SMIM36: variants seen among roughly 807,000 people sequenced by gnomAD.
The protein encoded by SMIM36 is small integral membrane protein 36.
chr17:55,453,275 C>T (rs937944808), intron 4 of SMIM36, among the ~76,000 whole-genome samples: 1 of 151,168 alleles, frequency 6.6e-6, no homozygotes, highest in East Asian at 1.9e-4. Context: ...TATGATCAAG[C>T]CGCTGTACCC....
rs1567871179 is a variant in SMIM36 at position 55,501,396 on chromosome 17, ATATATTATT to A, written c.*174+9474_*174+9482del. Among the ~76,000 whole-genome samples, 40 of 16,152 alleles carry A rather than the reference ATATATTATT, an allele frequency of 2.5e-3. 4 individuals carry two copies. The highest frequency in any genetic ancestry group is 8.2e-3 in the African/African-American group (39 of 4,736). The allele number at this position is 16,152 out of a possible 152,430, so 10.6% of individuals were successfully genotyped here. Reference sequence around the variant, plus strand: ...TATATATTATAGAATATAATATATTATATATTATTATATATTATAAAATATAATATATTA... The same window carrying A: ...TATATATTATAGAATATAATATATTAATATATTATAAAATATAATATATTA... On this transcript the variant is annotated intron_variant, in intron 1 of 4. Transcript: ENST00000636752.
rs55879501 is a variant in SMIM36, at chr17:55,508,431, A to AATATATATATAT, written c.*174+2436_*174+2447dup. ...CATATTTTATATATATATTCCTAGG[A>AATATATATATAT]ATATATATATATATATATATATATA... On this transcript the variant is annotated intron_variant, in intron 1 of 4. Transcript: ENST00000636752. Among the ~76,000 whole-genome samples the AATATATATATAT allele has an allele frequency of 4.2e-3, 477 of 114,182 alleles. 22 individuals are homozygous for AATATATATATAT. The highest frequency in any genetic ancestry group is 0.012 in the African/African-American group (335 of 28,276). The allele number at this position is 114,182 out of a possible 152,430, so 74.9% of individuals were successfully genotyped here. A position where few individuals can be genotyped will look rare whatever the true frequency, so the allele number is the denominator to read the frequency against.
intron 1 of SMIM36, among the ~76,000 whole-genome samples, chr17:55,505,772 G>C (rs887240932): frequency 8.4e-6 from 1 of 119,498 alleles, no homozygotes; most frequent in African/African-American, 4.1e-5. Flanking sequence ...ATTAGGAAAA[G>C]AGCAAGTCAA....
At chr17:55,520,452 G>A in the SMIM36 span, among the ~76,000 whole-genome samples, 6 of 152,080 alleles carry the variant, frequency 3.9e-5, no homozygotes, top group African/African-American at 9.7e-5. Flanking sequence ...TGGCATATCC[G>A]AATTGCTGGC....
At position 55,472,648 on chromosome 17, in the gene SMIM36, G is replaced by A. The variant is rs139740075; in HGVS notation, c.*348-5320C>T. Among the ~76,000 whole-genome samples the A allele has an allele frequency of 3.7e-3, 560 of 152,246 alleles. 2 individuals are homozygous for A. Among genetic ancestry groups the A allele is most frequent in the African/African-American group, 0.012 (515 of 41,554 alleles). Reference sequence around the variant, plus strand: ...AGCACTTTGGGAGGCTGAGGCGGGCGGATCACAAGCCCAGGAGTTCGAGAC... The same window carrying A: ...AGCACTTTGGGAGGCTGAGGCGGGCAGATCACAAGCCCAGGAGTTCGAGAC... On this transcript the variant is annotated intron_variant, in intron 3 of 4. Transcript: ENST00000636752.
upstream of SMIM36, among the ~76,000 whole-genome samples, chr17:55,512,757 C>T (rs978205264): frequency 9.9e-5 from 15 of 152,214 alleles, no homozygotes; most frequent in Non-Finnish European, 2.1e-4. Context: ...GTCTTGGTCT[C>T]ATATATGTAT....
At chr17:55,521,543 T>A in the SMIM36 span, among the ~76,000 whole-genome samples, 11 of 152,248 alleles carry the variant, frequency 7.2e-5, no homozygotes, top group Non-Finnish European at 1.3e-4. Context: ...GTGATTAGGG[T>A]ATAGATGAAT....
intron 1 of SMIM36, among the ~76,000 whole-genome samples, chr17:55,503,752 A>G (rs1473329464): frequency 7.7e-6 from 1 of 129,696 alleles, no homozygotes; most frequent in Non-Finnish European, 1.6e-5. Context: ...AATGGGCTAA[A>G]TGCTCCAATT....
chr17:55,492,996 G>C (rs1909740201), intron 1 of SMIM36, among the ~76,000 whole-genome samples: 1 of 152,206 alleles, frequency 6.6e-6, no homozygotes, highest in African/African-American at 2.4e-5. Flanking sequence ...CCAACGCGGG[G>C]ACAGTTACTT....
chr17:55,477,880 G>C (rs1454824565), intron 3 of SMIM36, among the ~76,000 whole-genome samples: 1 of 150,310 alleles, frequency 6.7e-6, no homozygotes. Context: ...AGAGAGAAAA[G>C]CTCTTCCCAG....
chr17:55,495,066 A>G (rs991167329), intron 1 of SMIM36, among the ~76,000 whole-genome samples: 4 of 152,182 alleles, frequency 2.6e-5, no homozygotes, highest in African/African-American at 9.7e-5. Context: ...GTGTGCATTG[A>G]TTGTATCCTT....
the SMIM36 span, among the ~76,000 whole-genome samples, chr17:55,523,522 T>G: frequency 7.9e-6 from 1 of 126,040 alleles, no homozygotes; most frequent in African/African-American, 3.3e-5. Flanking sequence ...AGAGTGAGAC[T>G]CCGTCTCAAA....
At chr17:55,530,470 G>T in the SMIM36 span, among the ~76,000 whole-genome samples, 1 of 152,142 alleles carries the variant, frequency 6.6e-6, no homozygotes. Flanking sequence ...AATTAATACA[G>T]ACTGCCCCAG....
At chr17:55,527,720 G>A in the SMIM36 span, 9 of 152,198 alleles carry the variant, frequency 5.9e-5, no homozygotes, top group Non-Finnish European at 1.3e-4. Flanking sequence ...CTTACCAAGA[G>A]AGGGCACCCT....
intron 1 of SMIM36, among the ~76,000 whole-genome samples, chr17:55,487,336 T>G (rs7225654): frequency 0.79 from 120,729 of 152,118 alleles, 48,361 homozygotes; most frequent in Non-Finnish European, 0.82. Context: ...ATGTACCCTA[T>G]AACTTAGAGT....
chr17:55,454,442 G>A (rs7207559), intron 4 of SMIM36, among the ~76,000 whole-genome samples: 108,159 of 152,042 alleles, frequency 0.71, 39,116 homozygotes, highest in Non-Finnish European at 0.75. Flanking sequence ...CTCACAAAAC[G>A]AATACCTGTA....
At chr17:55,511,526 A>G (rs1387803262), upstream of SMIM36, 3 of 353,140 alleles carry the variant, frequency 8.5e-6, no homozygotes, top group Non-Finnish European at 1.5e-5. Context: ...TGCTGTTAAT[A>G]CCACAGCCAC....
intron 4 of SMIM36, among the ~76,000 whole-genome samples, chr17:55,464,423 C>T (rs188651464): frequency 1.4e-4 from 21 of 152,054 alleles, no homozygotes; most frequent in African/African-American, 4.8e-4. Flanking sequence ...CATGTTAATT[C>T]CACTTGTAGG....
the SMIM36 span, among the ~76,000 whole-genome samples, chr17:55,522,326 C>G: frequency 1.3e-5 from 2 of 152,190 alleles, no homozygotes; most frequent in Non-Finnish European, 2.9e-5. Flanking sequence ...TTTCCATGAC[C>G]ATTCCTTATA....
Sources: gnomAD v4.1 joint callset for allele counts (sites outside exome capture counted in the v4.1 genomes callset) on GRCh38, gnomAD v4.1.1 for gene constraint, MANE v1.5 for transcripts, NCBI Gene and HGNC (gene_info 2026-07-23, HGNC 2026-07-21) for gene names.